TCF12: variants seen among roughly 807,000 people sequenced by gnomAD.
TCF12 encodes DNA-binding protein HTF4.
Under a neutral mutation model 86.0 loss-of-function variants are expected in TCF12, and 45 were observed. The observed-to-expected ratio is 0.52, with a 90% CI of 0.41 to 0.67. The LOEUF (loss-of-function observed/expected upper bound fraction) is 0.67. TCF12 is among the 30% of genes least tolerant of loss of function. TCF12 has a pLI of 0.00. For synonymous variants in TCF12, 330 were observed against 299.6 expected (o/e 1.10, Z -1.05); for missense variants, 881 against 859.9 (o/e 1.02, Z -0.31).
In TCF12 at chr15:57,282,507, G is replaced by A. The variant is rs751729307; in HGVS notation, c.2041G>A (p.Val681Ile). Residue 681 changes from valine (V) to isoleucine (I), a missense_variant, in exon 20 of 21, where the codon GTA becomes ATA. Transcript: ENST00000333725. ...KRREEEKVSAVSAEPPTTLPG... is the reference protein window; with the variant it reads ...KRREEEKVSAISAEPPTTLPG... ...AAGGGAAGAAGAAAAAGTTTCTGCC[G>A]TATCGGCAGAGCCGCCAACCACACT... 1.3e-5 allele frequency: 21 copies of A among 1,614,100 alleles called. No homozygotes were observed. The East Asian group carries it at 1.3e-4, about 10-fold the overall frequency.
rs777234282 is a variant in TCF12 at position 56,984,014 on chromosome 15, A to AAAAAAAG, written c.148+62918_148+62919insAAAAGAA. On this transcript the variant is annotated intron_variant, in intron 3 of 20. Transcript: ENST00000333725. ...GAGACCCTGTCTCAAAAAAAAAAAA[A>AAAAAAAG]AAGAAGAAGAAGAATTTTGGATCAA... 5.1e-4 allele frequency among the ~76,000 whole-genome samples: 53 copies of AAAAAAAG among 104,448 alleles called. 5 individuals are homozygous for AAAAAAAG. The East Asian group carries it at 8.6e-3, about 17-fold the overall frequency. The allele number at this position is 104,448 out of a possible 152,430, so 68.5% of individuals were successfully genotyped here. A position where few individuals can be genotyped will look rare whatever the true frequency, so the allele number is the denominator to read the frequency against.
chr15:57,192,698 T>C (rs2057048290), intron 7 of TCF12, among the ~76,000 whole-genome samples: 1 of 152,228 alleles, frequency 6.6e-6, no homozygotes, highest in African/African-American at 2.4e-5. Flanking sequence ...CTGTCTGTGC[T>C]TTTAATTAGA....
chr15:57,023,697 CAAT>C (rs1464781442), intron 3 of TCF12, among the ~76,000 whole-genome samples: 1 of 152,014 alleles, frequency 6.6e-6, no homozygotes, highest in African/African-American at 2.4e-5. Flanking sequence ...AATAAGAAAA[CAAT>C]AAATTGGAGA....
At chr15:56,955,671 G>A (rs1470294183) in intron 3 of TCF12, among the ~76,000 whole-genome samples, 5 of 152,178 alleles carry the variant, frequency 3.3e-5, no homozygotes, top group Admixed American at 6.5e-5. Flanking sequence ...GTTTGCCTTG[G>A]CAAATGTTCT....
intron 3 of TCF12, among the ~76,000 whole-genome samples, chr15:57,034,462 A>C (rs2066384365): frequency 6.6e-6 from 1 of 152,122 alleles, no homozygotes; most frequent in Non-Finnish European, 1.5e-5. Flanking sequence ...GGAAATTAAT[A>C]ATGTTTGATT....
At chr15:57,229,414 T>C (rs2059029532) in intron 8 of TCF12, among the ~76,000 whole-genome samples, 1 of 151,872 alleles carries the variant, frequency 6.6e-6, no homozygotes, top group Non-Finnish European at 1.5e-5. Context: ...GAATATACTG[T>C]ATCTTTTCTA....
intron 8 of TCF12, among the ~76,000 whole-genome samples, chr15:57,223,567 A>T (rs1409280764): frequency 6.7e-6 from 1 of 149,966 alleles, no homozygotes; most frequent in African/African-American, 2.4e-5. Flanking sequence ...ACGTTTTAGC[A>T]AGTCTCCTCT....
intron 3 of TCF12, among the ~76,000 whole-genome samples, chr15:57,059,828 A>T (rs1052422645): frequency 6.7e-6 from 1 of 149,470 alleles, no homozygotes; most frequent in African/African-American, 2.5e-5. Flanking sequence ...AAAAAATTCC[A>T]GTTTCCAGTT....
chr15:57,196,220 AT>A (rs1305253552), intron 7 of TCF12, among the ~76,000 whole-genome samples: 3 of 152,018 alleles, frequency 2.0e-5, no homozygotes, highest in African/African-American at 4.8e-5. Flanking sequence ...GCATAGACTT[AT>A]TTTTTTCTTG....
chr15:57,157,823 A>G (rs1204141106), intron 5 of TCF12, among the ~76,000 whole-genome samples: 1 of 152,106 alleles, frequency 6.6e-6, no homozygotes, highest in Non-Finnish European at 1.5e-5. Flanking sequence ...TTAGACTCCC[A>G]AAGTGCTGGG....
chr15:57,260,355 C>T (rs2060533051), intron 16 of TCF12, among the ~76,000 whole-genome samples: 1 of 152,114 alleles, frequency 6.6e-6, no homozygotes, highest in African/African-American at 2.4e-5. Flanking sequence ...GCAGATGAAT[C>T]ATCACTTAGA....
chr15:57,168,771 G>A lies in TCF12; in HGVS notation c.390+2305G>A, dbSNP rs376128393. Among the ~76,000 whole-genome samples, 4 of 152,104 alleles carry A rather than the reference G, an allele frequency of 2.6e-5. No homozygotes were observed. In the East Asian group the frequency reaches 5.8e-4, roughly 22 times the overall value. On this transcript the variant is annotated intron_variant, in intron 6 of 20. Transcript: ENST00000333725. Reference sequence around the variant, plus strand: ...GAAAAACTAAGTTGTGGCCAGGCGCGGTGGCTCACACCTGTAATCCCAGCA... The same window carrying A: ...GAAAAACTAAGTTGTGGCCAGGCGCAGTGGCTCACACCTGTAATCCCAGCA...
chr15:57,001,377 A>G (rs1320442872), intron 3 of TCF12: 1 of 181,304 alleles, frequency 5.5e-6, no homozygotes, highest in African/African-American at 2.4e-5. Context: ...CCAGCCTCCA[A>G]TATTTCAGTA....
intron 5 of TCF12, among the ~76,000 whole-genome samples, chr15:57,107,840 G>A (rs2050236929): frequency 6.6e-6 from 1 of 152,158 alleles, no homozygotes; most frequent in Non-Finnish European, 1.5e-5. Flanking sequence ...CCCAAGAATT[G>A]AAGACCGCAG....
intron 12 of TCF12, among the ~76,000 whole-genome samples, chr15:57,238,227 C>T (rs2059459586): frequency 6.6e-6 from 1 of 151,802 alleles, no homozygotes; most frequent in Non-Finnish European, 1.5e-5. Context: ...TAAGTTTACA[C>T]CAGTTTTACA....
intron 2 of TCF12, among the ~76,000 whole-genome samples, chr15:56,920,510 A>G (rs867466036): frequency 4.8e-5 from 2 of 41,748 alleles, no homozygotes; most frequent in African/African-American, 7.3e-5. Flanking sequence ...GTGTGTGTGT[A>G]TTATGTTCTT....
chr15:57,024,531 C>A (rs888845222), intron 3 of TCF12, among the ~76,000 whole-genome samples: 4 of 152,002 alleles, frequency 2.6e-5, no homozygotes, highest in Non-Finnish European at 4.4e-5. Flanking sequence ...GGTTCTTGAT[C>A]CTGAGTTTGG....
At chr15:57,006,194 T>G (rs566012067) in intron 3 of TCF12, among the ~76,000 whole-genome samples, 2 of 152,356 alleles carry the variant, frequency 1.3e-5, no homozygotes, top group African/African-American at 4.8e-5. Flanking sequence ...GAACCAGTGA[T>G]GTAATAGATA....
intron 3 of TCF12, among the ~76,000 whole-genome samples, chr15:56,991,925 C>G (rs1348713908): frequency 1.3e-5 from 2 of 151,864 alleles, no homozygotes; most frequent in Admixed American, 6.6e-5. Context: ...TGGAGATAAA[C>G]ACTATTGTCA....
Sources: allele counts gnomAD v4.1 joint callset (sites outside exome capture counted in the v4.1 genomes callset), GRCh38; gene constraint gnomAD v4.1.1; transcripts MANE v1.5; gene names NCBI Gene and HGNC (gene_info 2026-07-23, HGNC 2026-07-21).